The following SCN11A variants were observed in gnomAD, a reference collection of about 807,000 sequenced individuals.
The protein encoded by SCN11A is sodium channel protein type 11 subunit alpha.
Under a neutral mutation model 162.2 loss-of-function variants are expected in SCN11A, and 122 were observed. The ratio of observed to expected loss-of-function variants is 0.75; its 90% CI spans 0.65 to 0.87. SCN11A has a LOEUF of 0.87. SCN11A is among the 40% of genes least tolerant of loss of function. The pLI, the probability that SCN11A is intolerant of heterozygous loss-of-function variation, is 0.00. For missense variants in SCN11A, 2,015 were observed against 2,181.6 expected (o/e 0.92, Z 1.52); for synonymous variants, 758 against 751.5 (o/e 1.01, Z -0.14).
At chr3:38,989,546 A>C (rs2030384226) in intron 2 of SCN11A, among the ~76,000 whole-genome samples, 1 of 152,240 alleles carries the variant, frequency 6.6e-6, no homozygotes, top group Non-Finnish European at 1.5e-5. Flanking sequence ...TTCAACAGGC[A>C]ACAAAAAGAT....
At chr3:38,899,572 T>C (rs2065661617) in intron 17 of SCN11A, among the ~76,000 whole-genome samples, 1 of 152,014 alleles carries the variant, frequency 6.6e-6, no homozygotes, top group Non-Finnish European at 1.5e-5. Flanking sequence ...CACAGCTCCA[T>C]GGGAAAAAAA....
At chr3:38,909,755 G>A (rs1198528294) in intron 12 of SCN11A, among the ~76,000 whole-genome samples, 1 of 151,732 alleles carries the variant, frequency 6.6e-6, no homozygotes, top group Non-Finnish European at 1.5e-5. Context: ...GCTAATTTTT[G>A]TATTTTTAGT....
intron 28 of SCN11A, among the ~76,000 whole-genome samples, chr3:38,851,401 AT>A (rs1433199721): frequency 6.6e-6 from 1 of 152,206 alleles, no homozygotes; most frequent in Non-Finnish European, 1.5e-5. Flanking sequence ...CTGAGGGTGA[AT>A]TTACATGTGG....
intron 9 of SCN11A, among the ~76,000 whole-genome samples, chr3:38,921,619 G>C (rs2066053855): frequency 6.6e-6 from 1 of 152,162 alleles, no homozygotes; most frequent in African/African-American, 2.4e-5. Context: ...ACTAGAGAAT[G>C]AGATAGACCT....
At chr3:39,020,582 G>T (rs552904195) in intron 2 of SCN11A, among the ~76,000 whole-genome samples, 7 of 152,184 alleles carry the variant, frequency 4.6e-5, no homozygotes, top group Non-Finnish European at 1.0e-4. Flanking sequence ...AGAGAAAATC[G>T]AAGGTGTGTT....
chr3:38,855,500 G>A (rs1030655154), intron 28 of SCN11A, among the ~76,000 whole-genome samples: 1 of 152,076 alleles, frequency 6.6e-6, no homozygotes, highest in African/African-American at 2.4e-5. Flanking sequence ...CCTGTCTCCT[G>A]AAAGTCAGAA....
At chr3:38,900,147 A>G (rs2065675686) in intron 16 of SCN11A, 74 bp from the exon 17 acceptor site, 1 of 1,131,086 alleles carries the variant, frequency 8.8e-7, no homozygotes, top group African/African-American at 1.6e-5. Context: ...CAAGGGAAGT[A>G]CAGAGGTTAC....
At chr3:38,942,255 T>C (rs1402511013) in intron 7 of SCN11A, among the ~76,000 whole-genome samples, 6 of 152,094 alleles carry the variant, frequency 3.9e-5, no homozygotes, top group African/African-American at 1.4e-4. Flanking sequence ...TCCACAATCA[T>C]AGATAGAGAT....
At chr3:38,941,798 CA>C (rs34373633) in intron 7 of SCN11A, among the ~76,000 whole-genome samples, 65,368 of 141,198 alleles carry the variant, frequency 0.46, 15,757 homozygotes, top group African/African-American at 0.68. Context: ...ACAACAATGA[CA>C]AAAAAAAAAA....
At chr3:38,916,104 G>C (rs2065957645) in intron 11 of SCN11A, among the ~76,000 whole-genome samples, 1 of 151,996 alleles carries the variant, frequency 6.6e-6, no homozygotes, top group Non-Finnish European at 1.5e-5. Context: ...AGTCTGTTTT[G>C]TCTGAAATTA....
intron 2 of SCN11A, among the ~76,000 whole-genome samples, chr3:39,018,576 T>C (rs1259542845): frequency 6.6e-6 from 1 of 152,148 alleles, no homozygotes; most frequent in Non-Finnish European, 1.5e-5. Context: ...CCCAGCACTT[T>C]TGGAGGCTGA....
intron 2 of SCN11A, among the ~76,000 whole-genome samples, chr3:38,978,415 G>A (rs548388975): frequency 1.3e-4 from 20 of 152,296 alleles, no homozygotes; most frequent in African/African-American, 2.6e-4. Context: ...GGAGGCCCAG[G>A]TGGGTGGATA....
chr3:38,863,050 C>T, intron 28 of SCN11A, 145 bp downstream of exon 28: 2 of 581,940 alleles, frequency 3.4e-6, no homozygotes, highest in Admixed American at 3.4e-5. Context: ...TCTAATTTTC[C>T]TAAGTGTTTG....
At chr3:38,950,661 G>T in intron 4 of SCN11A, 1 of 394,020 alleles carries the variant, frequency 2.5e-6, no homozygotes. Context: ...AAGAAGCCCA[G>T]TCTCTAAAAC....
At chr3:38,995,395 C>T (rs189987023) in intron 2 of SCN11A, among the ~76,000 whole-genome samples, 70 of 152,320 alleles carry the variant, frequency 4.6e-4, no homozygotes, top group Admixed American at 1.6e-3. Context: ...GCTGGAATTA[C>T]AGGCGTGAGC....
Position 38,847,554 on chromosome 3 carries a change from G to A in SCN11A, c.4516C>T (p.Leu1506=), listed in dbSNP as rs749096524. The A allele has an allele frequency of 1.2e-6, 2 of 1,614,174 alleles. No homozygotes were observed. Among genetic ancestry groups the A allele is most frequent in the Admixed American group, 1.7e-5 (1 of 60,022 alleles). Residue 1506 remains leucine, a synonymous_variant, in exon 30 of 30, where the codon CTG becomes TTG. Transcript: ENST00000302328. ...AGAATGGCATAGATAAACATAATCA[G>A]AAAGAGTAGAAGACCAATGTTGAAC... ...SLFNIGLLLF[L]IMFIYAILGM...
intron 4 of SCN11A, among the ~76,000 whole-genome samples, chr3:38,951,172 C>T (rs1218290924): frequency 6.6e-6 from 1 of 152,234 alleles, no homozygotes; most frequent in Non-Finnish European, 1.5e-5. Context: ...GAGCGGGAAC[C>T]GGGGCTGCAC....
At chr3:39,000,631 A>T (rs1055389528) in intron 2 of SCN11A, among the ~76,000 whole-genome samples, 8 of 152,018 alleles carry the variant, frequency 5.3e-5, no homozygotes, top group African/African-American at 1.9e-4. Flanking sequence ...CTTCCTCTAA[A>T]CTCAAGATTT....
intron 6 of SCN11A, 51 bp from the exon 7 acceptor site, chr3:38,945,563 A>C (rs1217448782): frequency 7.6e-7 from 1 of 1,308,824 alleles, no homozygotes; most frequent in East Asian, 2.5e-5. Context: ...ATGCATCATT[A>C]GCTACTGGGT....
Sources: allele counts gnomAD v4.1 joint callset (sites outside exome capture counted in the v4.1 genomes callset), GRCh38; gene constraint gnomAD v4.1.1; transcripts MANE v1.5; gene names NCBI Gene and HGNC (gene_info 2026-07-23, HGNC 2026-07-21).